Variants in PNKP observed in about 807,000 individuals in gnomAD.
PNKP encodes polynucleotide kinase 3'-phosphatase, also known as bifunctional polynucleotide phosphatase/kinase.
A neutral mutation model predicts 66.2 loss-of-function variants in PNKP; 82 were observed. The observed-to-expected ratio is 1.24, with a 90% CI of 1.04 to 1.49. The LOEUF is 1.49. PNKP is among the 40% of genes most tolerant of loss of function. The pLI, the probability that PNKP is intolerant of heterozygous loss-of-function variation, is 0.00. For synonymous variants in PNKP, 412 were observed against 298.9 expected (o/e 1.38, Z -3.90); for missense variants, 907 against 706.8 (o/e 1.28, Z -3.21).
At chr19:49,863,094 TC>T (rs1023732592) in intron 8 of PNKP, among the ~76,000 whole-genome samples, 3 of 151,962 alleles carry the variant, frequency 2.0e-5, no homozygotes, top group African/African-American at 7.3e-5. Flanking sequence ...CCCTCTCCCC[TC>T]CCTCGCTTAG....
intron 4 of PNKP, 102 bp from the exon 5 acceptor site, chr19:49,864,505 C>T (rs988493693): frequency 1.7e-5 from 15 of 875,204 alleles, no homozygotes; most frequent in Non-Finnish European, 2.3e-5. Context: ...GGTGTTATCA[C>T]TGCCATCTCA....
Position 49,862,391 on chromosome 19 carries a change from C to G in PNKP, c.1009G>C (p.Glu337Gln), listed in dbSNP as rs780121125. The G allele has an allele frequency of 1.7e-5, 26 of 1,554,584 alleles. No homozygotes were observed. The highest frequency in any genetic ancestry group is 7.3e-5 in the East Asian group (3 of 41,360). The change falls in exon 11 of 17, where the codon GAG (glutamate) becomes CAG (glutamine). Residue 337 changes from glutamate (E) to glutamine (Q), a missense_variant. Glu to Gln is a conservative substitution (Grantham distance 29, BLOSUM62 2). Coordinates refer to ENST00000322344, the MANE Select transcript of PNKP (RefSeq NM_007254.4). ...CTCACCGGATCAAAGGCTGGGAGCT[C>G]GAAGCCGGCTGCTGGCCACTTGAGA... ...FFLKWPAAGF[E>Q]LPAFDPRTVS...
Position 49,862,065 on chromosome 19 carries a change from G to C in PNKP, c.1167C>G (p.Ala389=). ...ATACCCTGTTCACGTGGACATATCC[G>C]GCCGACACGAGGTGCTTCTTGAGAA... ...STFLKKHLVS[A]GYVHVNRDTL... The change falls in exon 13 of 17, where the codon GCC becomes GCG. Residue 389 remains alanine (A), a synonymous_variant. Coordinates refer to ENST00000322344, the MANE Select transcript of PNKP (RefSeq NM_007254.4). 1.2e-6 allele frequency: 2 copies of C among 1,614,156 alleles called. No individual in the cohort carries two copies. Among genetic ancestry groups the C allele is most frequent in the Non-Finnish European group, 1.7e-6 (2 of 1,180,010 alleles).
In PNKP at chr19:49,863,699, A is replaced by T. The variant is rs1473461768; in HGVS notation, c.806T>A (p.Leu269Gln). Residue 269 changes from leucine to glutamine, a missense_variant, in exon 8 of 17, where the codon CTG becomes CAG. By Grantham distance (113) the Leu-to-Gln change is moderately radical. Transcript: ENST00000322344. ...RKPVTGMWDH[L>Q]QEQANDGTPI... ...GGCTGCAAGACTCACCTGCTCCTGC[A>T]GATGGTCCCACATGCCCGTCACCGG... 6.4e-7 allele frequency: 1 copy of T among 1,554,874 alleles called. No homozygotes were observed. Among genetic ancestry groups the T allele is most frequent in the African/African-American group, 1.4e-5 (1 of 73,436 alleles).
chr19:49,863,676 C>T lies in PNKP; in HGVS notation c.816+13G>A. The T allele has an allele frequency of 6.5e-7, 1 of 1,549,140 alleles. No homozygotes were observed. Among genetic ancestry groups the T allele is most frequent in the Non-Finnish European group, 8.7e-7 (1 of 1,144,484 alleles). ...AGGAAAAGGAGGGGGGCCGGGCAGG[C>T]TGCAAGACTCACCTGCTCCTGCAGA... On this transcript the variant is annotated intron_variant, in intron 8 of 16. Transcript: ENST00000322344.
At position 49,861,304 on chromosome 19, in the gene PNKP, G is replaced by T. The variant is rs148669160; in HGVS notation, c.1510C>A (p.Arg504=). The change falls in exon 17 of 17, where the codon CGG becomes AGG. Residue 504 remains arginine (R), a synonymous_variant. Coordinates refer to ENST00000322344, the MANE Select transcript of PNKP (RefSeq NM_007254.4). ...GFSAILEIPF[R]LWVEPRLGRL... ...CCCAGCCTCGGCTCCACCCATAGCC[G>T]GAACGGGATCTCCAGGATGGCAGAG... 19 of 1,613,612 alleles carry T rather than the reference G, an allele frequency of 1.2e-5. No individual in the cohort carries two copies. In the African/African-American group the frequency reaches 1.5e-4, roughly 12 times the overall value.
chr19:49,866,902 C>A (rs182857782), intron 2 of PNKP, 152 bp downstream of exon 2: 16 of 816,830 alleles, frequency 2.0e-5, no homozygotes, highest in Admixed American at 1.8e-4. Flanking sequence ...CTAAATCAAG[C>A]ACAAACTTTA....
chr19:49,861,445 G>A lies in PNKP; in HGVS notation c.1448+4C>T. Reference sequence around the variant, plus strand: ...CCCCTGCCCCCTGCTATCCCCAACAGTACCTGTAGCCATACATGACCATGT... The same window carrying A: ...CCCCTGCCCCCTGCTATCCCCAACAATACCTGTAGCCATACATGACCATGT... On this transcript the variant is annotated splice_donor_region_variant and intron_variant, in intron 16 of 16. Transcript: ENST00000322344. 2.5e-6 allele frequency: 4 copies of A among 1,613,984 alleles called. No homozygotes were observed. The highest frequency in any genetic ancestry group is 1.7e-6 in the Non-Finnish European group (2 of 1,179,924).
rs751218566 is a variant in PNKP, at chr19:49,861,657, C to T, written c.1337G>A (p.Arg446His). 3.9e-6 allele frequency: 6 copies of T among 1,549,732 alleles called. No individual in the cohort carries two copies. Among genetic ancestry groups the T allele is most frequent in the Non-Finnish European group, 1.7e-6 (2 of 1,146,976 alleles). The change falls in exon 15 of 17, where the codon CGC (arginine) becomes CAC (histidine). Residue 446 changes from arginine to histidine, a missense_variant. Physicochemically the swap from Arg to His is conservative, Grantham distance 29. Transcript: ENST00000322344. ...CAGAGTGGCGGTGAAGAGGAAGCAG[C>T]GGCAGGGGACGCCCGCGGCTCGGGC... ...QCARAAGVPC[R>H]CFLFTATLEQ...
Position 49,864,063 on chromosome 19 carries a change from GATCACCA to G in PNKP, c.638_644del (p.Leu213ProfsTer6). 1 of 1,613,692 alleles carries G rather than the reference GATCACCA, an allele frequency of 6.2e-7. No individual in the cohort carries two copies. The highest frequency in any genetic ancestry group is 8.5e-7 in the Non-Finnish European group (1 of 1,179,772). On this transcript the variant is annotated frameshift_variant and splice_region_variant, in exon 7 of 17. Coordinates refer to ENST00000322344, the MANE Select transcript of PNKP (RefSeq NM_007254.4). LOFTEE classifies it high-confidence loss of function. Reference sequence around the variant, plus strand: ...GCCCGATGCTCATCTGGTTGGTGAAGATCACCAGCTGGGGAGCAAAGGGTGTCACCAG... The same window carrying G: ...GCCCGATGCTCATCTGGTTGGTGAAGGCTGGGGAGCAAAGGGTGTCACCAG...
rs747245961 is a variant in PNKP, at chr19:49,867,180, G to A, written c.25C>T (p.Arg9Cys). 3 of 1,611,822 alleles carry A rather than the reference G, an allele frequency of 1.9e-6. No homozygotes were observed. The highest frequency in any genetic ancestry group is 2.2e-5 in the East Asian group (1 of 44,848). The change falls in exon 2 of 17, where the codon CGC becomes TGC. Residue 9 changes from arginine (R) to cysteine (C), a missense_variant. Coordinates refer to ENST00000322344, the MANE Select transcript of PNKP (RefSeq NM_007254.4). MGEVEAPG[R>C]LWLESPPGGA... Reference sequence around the variant, plus strand: ...CCAGGGGGGCTCTCGAGCCACAAGCGGCCCGGGGCCTCCACCTCGCCCATC... The same window carrying A: ...CCAGGGGGGCTCTCGAGCCACAAGCAGCCCGGGGCCTCCACCTCGCCCATC...
chr19:49,866,415 G>A lies in PNKP; in HGVS notation c.182C>T (p.Thr61Ile). ...VELVADPETR[T>I]VAVKQLGVNP... ...CACTGATACCTGTTTCACTGCCACT[G>A]TCCGGGTCTCAGGATCTGCGACCAG... The change falls in exon 3 of 17, where the codon ACA becomes ATA. Residue 61 changes from threonine (T) to isoleucine (I), a missense_variant. Coordinates refer to ENST00000322344, the MANE Select transcript of PNKP (RefSeq NM_007254.4). 1.2e-6 allele frequency: 2 copies of A among 1,614,130 alleles called. No individual in the cohort carries two copies. Among genetic ancestry groups the A allele is most frequent in the Non-Finnish European group, 8.5e-7 (1 of 1,179,964 alleles).
At chr19:49,863,015 TCCGGCGTG>T (rs1042419624) in intron 8 of PNKP, among the ~76,000 whole-genome samples, 2 of 151,312 alleles carry the variant, frequency 1.3e-5, no homozygotes, top group Non-Finnish European at 1.5e-5. Context: ...AGCTCCAGCC[TCCGGCGTG>T]CCGGCGCCTC....
intron 4 of PNKP, among the ~76,000 whole-genome samples, 153 bp from the exon 5 acceptor site, chr19:49,864,556 C>A (rs1018297810): frequency 3.3e-5 from 5 of 152,232 alleles, no homozygotes; most frequent in Non-Finnish European, 5.9e-5. Flanking sequence ...CCATCTCAAG[C>A]ATCCGTGATG....
chr19:49,864,437 T>C, intron 4 of PNKP, 34 bp from the exon 5 acceptor site: 7 of 1,514,052 alleles, frequency 4.6e-6, no homozygotes, highest in Non-Finnish European at 5.5e-6. Flanking sequence ...ACAGCAGCAC[T>C]GTGATACCTC....
chr19:49,861,699 TG>T lies in PNKP; in HGVS notation c.1299-5del. 6.5e-7 allele frequency: 1 copy of T among 1,547,326 alleles called. No individual in the cohort carries two copies. The highest frequency in any genetic ancestry group is 8.7e-7 in the Non-Finnish European group (1 of 1,146,206). The stretch of plus-strand genomic sequence containing the variant: ...GGCTCGGGCACACTGGACGTACCTG[TG>T]GGGGAAGGAGCTGGATGTGCAGGCC... On this transcript the variant is annotated splice_polypyrimidine_tract_variant and splice_region_variant and intron_variant, in intron 14 of 16. Transcript: ENST00000322344.
Position 49,862,358 on chromosome 19 carries a change from C to T in PNKP, c.1029+13G>A. ...CTCCCATCCCCACCCCCACCCCCGC[C>T]CCAGGGCCTCACCGGATCAAAGGCT... On this transcript the variant is annotated intron_variant, in intron 11 of 16. Coordinates refer to ENST00000322344, the MANE Select transcript of PNKP (RefSeq NM_007254.4). 1 of 1,536,950 alleles carries T rather than the reference C, an allele frequency of 6.5e-7. No homozygotes were observed. Among genetic ancestry groups the T allele is most frequent in the African/African-American group, 1.4e-5 (1 of 72,816 alleles).
At position 49,862,188 on chromosome 19, in the gene PNKP, C is replaced by A. The variant is rs786203983; in HGVS notation, c.1123G>T (p.Gly375Trp). ...CGCACAGGAACAGGACACTTACCCC[C>A]AGGGAATCCCACTGCGACAACCACC... Reference protein sequence around the residue: ...PEVVVAVGFPGAGKSTFLKKH... With the variant: ...PEVVVAVGFPWAGKSTFLKKH... The change falls in exon 12 of 17, where the codon GGG (glycine) becomes TGG (tryptophan). Residue 375 changes from glycine (G) to tryptophan (W), a missense_variant. Coordinates refer to ENST00000322344, the MANE Select transcript of PNKP (RefSeq NM_007254.4). The A allele has an allele frequency of 6.8e-6, 11 of 1,613,736 alleles. No individual in the cohort carries two copies. Among genetic ancestry groups the A allele is most frequent in the Admixed American group, 3.3e-5 (2 of 59,978 alleles).
chr19:49,863,829 G>C (rs2074798363), intron 7 of PNKP, 69 bp from the exon 8 acceptor site: 1 of 1,454,616 alleles, frequency 6.9e-7, no homozygotes, highest in African/African-American at 1.4e-5. Flanking sequence ...CCCCAGCCCA[G>C]AATTTGTAGC....
Sources: allele counts gnomAD v4.1 joint callset (sites outside exome capture counted in the v4.1 genomes callset), GRCh38; gene constraint gnomAD v4.1.1; transcripts MANE v1.5; gene names NCBI Gene and HGNC (gene_info 2026-07-23, HGNC 2026-07-21).